OARD1: variants seen among roughly 807,000 people sequenced by gnomAD.
OARD1 encodes the protein ADP-ribose glycohydrolase OARD1.
Under a neutral mutation model 19.7 loss-of-function variants are expected in OARD1, and 19 were observed. The observed-to-expected ratio is 0.96, with a 90% CI of 0.67 to 1.41. OARD1 has a LOEUF of 1.41. Ranked by LOEUF, OARD1 falls within the 40% of genes most tolerant of loss-of-function variation. OARD1 has a pLI of 0.00. For missense variants in OARD1, 190 were observed against 183.8 expected, an observed-to-expected ratio of 1.03 and a Z score of -0.20; for synonymous variants, 70 against 61.8, an observed-to-expected ratio of 1.13 and a Z score of -0.62.
intron 1 of OARD1, chr6:41,097,314 C>G (rs1764387047): frequency 6.2e-7 from 1 of 1,602,248 alleles, no homozygotes; most frequent in South Asian, 1.1e-5. Context: ...GTTCCTGTTG[C>G]TTTTGCAAAG....
chr6:41,074,662 T>C (rs1395545545), upstream of OARD1, among the ~76,000 whole-genome samples: 7 of 152,216 alleles, frequency 4.6e-5, no homozygotes, highest in Admixed American at 4.6e-4. Flanking sequence ...TGTGATAGTT[T>C]AGGGGGGAAA....
chr6:41,090,692 A>G (rs576675608), intron 1 of OARD1, among the ~76,000 whole-genome samples: 41 of 152,354 alleles, frequency 2.7e-4, no homozygotes, highest in African/African-American at 8.9e-4. Context: ...TTAAATGACT[A>G]TTATGTATAC....
upstream of OARD1, among the ~76,000 whole-genome samples, chr6:41,076,679 C>T (rs1323611214): frequency 6.6e-6 from 1 of 152,206 alleles, no homozygotes; most frequent in East Asian, 1.9e-4. Flanking sequence ...TTGTTTCTCT[C>T]TCTTTGAGGA....
At chr6:41,069,985 AAC>A (rs1418272679) in intron 4 of OARD1, 89 bp downstream of exon 4, 1 of 826,138 alleles carries the variant, frequency 1.2e-6, no homozygotes, top group Non-Finnish European at 2.2e-6. Context: ...CATCATGATC[AAC>A]ACAAATGCAG....
intron 1 of OARD1, chr6:41,089,521 G>A: frequency 6.7e-7 from 1 of 1,483,408 alleles, no homozygotes. Flanking sequence ...AACTCTCGGG[G>A]ACCAAAGGAG....
At chr6:41,090,713 C>T (rs1418369559) in intron 1 of OARD1, among the ~76,000 whole-genome samples, 1 of 152,074 alleles carries the variant, frequency 6.6e-6, no homozygotes, top group African/African-American at 2.4e-5. Context: ...AGCACTTTTA[C>T]TAAGAAGGGT....
intron 1 of OARD1, chr6:41,084,201 T>C (rs781358022): frequency 1.2e-6 from 2 of 1,613,258 alleles, no homozygotes; most frequent in South Asian, 2.2e-5. Context: ...AAGTGAGTAA[T>C]ATTTAAAAAT....
chr6:41,070,262 G>A (rs1241531011), intron 3 of OARD1, 128 bp from the exon 4 acceptor site: 1 of 643,594 alleles, frequency 1.6e-6, no homozygotes, highest in Non-Finnish European at 2.8e-6. Flanking sequence ...GAAGGGAATA[G>A]GGAAGACCTA....
At chr6:41,085,324 A>C (rs1764016976) in intron 1 of OARD1, among the ~76,000 whole-genome samples, 1 of 152,244 alleles carries the variant, frequency 6.6e-6, no homozygotes, top group Non-Finnish European at 1.5e-5. Context: ...GTGTCCATTA[A>C]TAAGAATAAG....
chr6:41,074,451 A>G (rs1032434839), upstream of OARD1, among the ~76,000 whole-genome samples: 1 of 152,260 alleles, frequency 6.6e-6, no homozygotes, highest in African/African-American at 2.4e-5. Flanking sequence ...GGCCAAGTTC[A>G]GTTGCTGTGA....
At chr6:41,088,552 A>T (rs986450921) in intron 1 of OARD1, among the ~76,000 whole-genome samples, 1 of 151,932 alleles carries the variant, frequency 6.6e-6, no homozygotes, top group Non-Finnish European at 1.5e-5. Flanking sequence ...CTGCAGTCAC[A>T]TTTGACTAGA....
upstream of OARD1, among the ~76,000 whole-genome samples, chr6:41,074,651 T>C (rs1389031978): frequency 6.6e-6 from 1 of 152,172 alleles, no homozygotes; most frequent in Non-Finnish European, 1.5e-5. Flanking sequence ...TGGGCAGTAG[T>C]TGTGATAGTT....
chr6:41,075,013 C>T (rs1335011496), upstream of OARD1, among the ~76,000 whole-genome samples: 1 of 152,148 alleles, frequency 6.6e-6, no homozygotes, highest in African/African-American at 2.4e-5. Flanking sequence ...TATTCCAGTG[C>T]TCTTTCATTA....
upstream of OARD1, among the ~76,000 whole-genome samples, chr6:41,073,620 C>T (rs1219450135): frequency 1.3e-5 from 2 of 152,024 alleles, no homozygotes; most frequent in African/African-American, 2.4e-5. Flanking sequence ...CCCTCTAGGT[C>T]GGGAGGGAGG....
At chr6:41,069,142 A>G (rs1425212785) in intron 4 of OARD1, 189 bp from the exon 5 acceptor site, 1 of 410,556 alleles carries the variant, frequency 2.4e-6, no homozygotes, top group Non-Finnish European at 4.2e-6. Context: ...AATCCACTAA[A>G]TAGAGGCTGA....
intron 1 of OARD1, among the ~76,000 whole-genome samples, chr6:41,082,221 T>G (rs112341507): frequency 1.1e-4 from 17 of 152,334 alleles, no homozygotes; most frequent in African/African-American, 3.8e-4. Context: ...GGTAATGATG[T>G]ACAGCCAACT....
rs567573594 is a variant in OARD1, at chr6:41,089,077, C to T, written c.-42+8636G>A. Among the ~76,000 whole-genome samples the T allele has an allele frequency of 5.3e-5, 8 of 152,164 alleles. No individual in the cohort carries two copies. The East Asian group carries it at 1.2e-3, about 22-fold the overall frequency. The stretch of plus-strand genomic sequence containing the variant: ...CTCGGCTCACTGCAACCTCCGCCTC[C>T]GGTTCAAGTGATTTTCCGGCCTCAG... On this transcript the variant is annotated intron_variant, in intron 1 of 4. Coordinates refer to the OARD1 transcript ENST00000480585.
At chr6:41,070,551 G>A (rs1221165808) in intron 3 of OARD1, among the ~76,000 whole-genome samples, 2 of 152,186 alleles carry the variant, frequency 1.3e-5, no homozygotes, top group Admixed American at 1.3e-4. Flanking sequence ...TATAAAAAAG[G>A]AATTAATTAT....
intron 1 of OARD1, among the ~76,000 whole-genome samples, chr6:41,085,534 T>G (rs887378092): frequency 6.6e-6 from 1 of 152,102 alleles, no homozygotes; most frequent in Non-Finnish European, 1.5e-5. Flanking sequence ...GAAAAGAGAG[T>G]ATGAGATAAC....
Sources: gnomAD v4.1 joint callset for allele counts (sites outside exome capture counted in the v4.1 genomes callset) on GRCh38, gnomAD v4.1.1 for gene constraint, MANE v1.5 for transcripts, NCBI Gene and HGNC (gene_info 2026-07-23, HGNC 2026-07-21) for gene names.